GRM3: variants seen among roughly 807,000 people sequenced by gnomAD.
The protein encoded by GRM3 is metabotropic glutamate receptor 3.
GRM3 carries 26 observed loss-of-function variants against 70.5 expected under a neutral mutation model. The ratio of observed to expected loss-of-function variants is 0.37; its 90% CI spans 0.27 to 0.51. The LOEUF (loss-of-function observed/expected upper bound fraction) is 0.51. GRM3 is among the 20% of genes least tolerant of loss of function. The pLI is 0.93. For missense variants in GRM3, 859 were observed against 1,123.8 expected (o/e 0.76, Z 3.37); for synonymous variants, 443 against 434.9 (o/e 1.02, Z -0.23).
chr7:86,756,368 G>A (rs550852010), intron 1 of GRM3, among the ~76,000 whole-genome samples: 3 of 152,124 alleles, frequency 2.0e-5, no homozygotes, highest in African/African-American at 4.8e-5. Context: ...CATGAGCCAC[G>A]GTGCCTGGCC....
chr7:86,790,597 C>T (rs1443810364), intron 3 of GRM3, among the ~76,000 whole-genome samples: 1 of 152,130 alleles, frequency 6.6e-6, no homozygotes, highest in Non-Finnish European at 1.5e-5. Flanking sequence ...CTTACAATGT[C>T]CTGCACACCA....
At chr7:86,791,175 A>G (rs771384587) in intron 3 of GRM3, among the ~76,000 whole-genome samples, 1 of 152,208 alleles carries the variant, frequency 6.6e-6, no homozygotes, top group Non-Finnish European at 1.5e-5. Context: ...GGCATGGTAC[A>G]TATATTTCAT....
At chr7:86,751,846 C>T (rs1326151476) in intron 1 of GRM3, among the ~76,000 whole-genome samples, 1 of 152,116 alleles carries the variant, frequency 6.6e-6, no homozygotes, top group Admixed American at 6.6e-5. Context: ...TCTCACCAGG[C>T]ATTAGAGGAT....
At chr7:86,778,649 C>G (rs1240112625) in intron 2 of GRM3, among the ~76,000 whole-genome samples, 2 of 152,140 alleles carry the variant, frequency 1.3e-5, no homozygotes, top group Non-Finnish European at 2.9e-5. Context: ...TTTCTCATAG[C>G]TCATATTCTT....
At chr7:86,700,329 A>T (rs939669986) in intron 1 of GRM3, among the ~76,000 whole-genome samples, 5 of 151,986 alleles carry the variant, frequency 3.3e-5, no homozygotes, top group Non-Finnish European at 7.4e-5. Context: ...ATTCATTAAA[A>T]GGCAGTTTTC....
chr7:86,681,235 C>G (rs1319311142), intron 1 of GRM3, among the ~76,000 whole-genome samples: 1 of 152,088 alleles, frequency 6.6e-6, no homozygotes, highest in Non-Finnish European at 1.5e-5. Flanking sequence ...TGTAACAAAA[C>G]TGATACAGCA....
intron 1 of GRM3, among the ~76,000 whole-genome samples, chr7:86,761,833 CTA>C (rs1410381921): frequency 6.6e-6 from 1 of 152,142 alleles, no homozygotes; most frequent in African/African-American, 2.4e-5. Context: ...ACAGGAGAGA[CTA>C]TTTCTTTCAG....
chr7:86,780,951 G>A (rs1797038899), intron 2 of GRM3, among the ~76,000 whole-genome samples: 2 of 152,180 alleles, frequency 1.3e-5, no homozygotes, highest in Admixed American at 6.5e-5. Context: ...ATTATAGTGA[G>A]AGGAATCCAT....
chr7:86,703,759 C>G lies in GRM3; in HGVS notation c.-141+58887C>G, dbSNP rs185163617. 2.8e-4 allele frequency among the ~76,000 whole-genome samples: 43 copies of G among 151,990 alleles called. No homozygotes were observed. The East Asian group carries it at 7.6e-3, about 27-fold the overall frequency. On this transcript the variant is annotated intron_variant, in intron 1 of 5. Coordinates refer to ENST00000361669, the MANE Select transcript of GRM3 (RefSeq NM_000840.3). ...ACGGCACAGTCAGAACATCAGAGTT[C>G]CATTGAGTGTGTTCCACTGAAACAC...
chr7:86,850,660 A>G (rs185663282), intron 5 of GRM3, 116 bp downstream of exon 5: 9,256 of 740,186 alleles, frequency 0.013, 73 homozygotes, highest in Non-Finnish European at 0.016. Context: ...CGATTTTACT[A>G]AGTATGGATT....
Position 86,839,763 on chromosome 7 carries a change from TA to T in GRM3, c.2250del (p.Leu750PhefsTer22), listed in dbSNP as rs776009408. The T allele has an allele frequency of 1.2e-6, 2 of 1,614,088 alleles. No homozygotes were observed. The highest frequency in any genetic ancestry group is 3.3e-5 in the Admixed American group (2 of 60,026). ...SLTYDVILVI[L>X]CTVYAFKTRK... is the part of the protein sequence containing the mutation. ...ACCTACGATGTGATCCTGGTGATCT[TA>T]TGCACTGTGTACGCCTTCAAAACGC... On this transcript the variant is annotated frameshift_variant, in exon 4 of 6. Coordinates refer to ENST00000361669, the MANE Select transcript of GRM3 (RefSeq NM_000840.3). LOFTEE classifies it high-confidence loss of function. The surrounding 1 kb of genome is among the most constrained non-coding windows in gnomAD (Gnocchi z 4.5).
chr7:86,857,965 TTTA>T (rs1393670438), intron 5 of GRM3, among the ~76,000 whole-genome samples: 1 of 142,872 alleles, frequency 7.0e-6, no homozygotes, highest in African/African-American at 2.8e-5. Flanking sequence ...TTTATTTTAT[TTTA>T]TTTTTTGAGA....
At chr7:86,663,373 A>G (rs1300780867) in intron 1 of GRM3, among the ~76,000 whole-genome samples, 1 of 152,020 alleles carries the variant, frequency 6.6e-6, no homozygotes, top group Non-Finnish European at 1.5e-5. Context: ...AGGCATTTAG[A>G]ATCTTGATTC....
At chr7:86,751,089 T>G (rs1796219624) in intron 1 of GRM3, among the ~76,000 whole-genome samples, 2 of 152,064 alleles carry the variant, frequency 1.3e-5, no homozygotes, top group African/African-American at 4.8e-5. Context: ...AATTTCCCCA[T>G]TGTCTGAAAT....
intron 1 of GRM3, among the ~76,000 whole-genome samples, chr7:86,658,933 G>A (rs1389467627): frequency 1.3e-5 from 2 of 150,748 alleles, no homozygotes; most frequent in Admixed American, 6.6e-5. Context: ...TGTTAGAAAT[G>A]TGTTTTGTTA....
chr7:86,856,452 CAAAAAA>C (rs572172399), intron 5 of GRM3, among the ~76,000 whole-genome samples: 2 of 67,576 alleles, frequency 3.0e-5, no homozygotes, highest in African/African-American at 4.6e-5. Context: ...TCGCCCTCTG[CAAAAAA>C]AAAAAAAAAA....
intron 1 of GRM3, among the ~76,000 whole-genome samples, chr7:86,734,319 A>C (rs1352897786): frequency 1.3e-5 from 2 of 152,176 alleles, no homozygotes; most frequent in Admixed American, 6.5e-5. Context: ...GGTTTTGGCC[A>C]TTCATTGTTG....
intron 1 of GRM3, among the ~76,000 whole-genome samples, chr7:86,677,122 G>C (rs961025031): frequency 2.6e-5 from 4 of 151,762 alleles, no homozygotes; most frequent in Non-Finnish European, 5.9e-5. Flanking sequence ...CTATCTACCT[G>C]CTTTATTATC....
At chr7:86,723,015 A>G (rs1795508650) in intron 1 of GRM3, among the ~76,000 whole-genome samples, 1 of 152,110 alleles carries the variant, frequency 6.6e-6, no homozygotes, top group Non-Finnish European at 1.5e-5. Flanking sequence ...CAGCCCTAAT[A>G]GCCCCAAATG....
Sources: gnomAD v4.1 joint callset for allele counts (sites outside exome capture counted in the v4.1 genomes callset) on GRCh38, gnomAD v4.1.1 for gene constraint, Gnocchi (gnomAD v3.1) non-coding constraint, MANE v1.5 for transcripts, NCBI Gene and HGNC (gene_info 2026-07-23, HGNC 2026-07-21) for gene names.